CDC16: variants seen among roughly 807,000 people sequenced by gnomAD.
CDC16 encodes the protein cell division cycle protein 16 homolog.
Under a neutral mutation model 87.0 loss-of-function variants are expected in CDC16, and 34 were observed. That is an observed-to-expected ratio of 0.39 (90% CI 0.30 to 0.52). The LOEUF is 0.52. Ranked by LOEUF, CDC16 falls within the 20% of genes least tolerant of loss-of-function variation. The pLI is 0.74. For synonymous variants in CDC16, 263 were observed against 260.6 expected (o/e 1.01, Z -0.09); for missense variants, 653 against 751.9 (o/e 0.87, Z 1.54).
intron 8 of CDC16, 55 bp from the exon 9 acceptor site, chr13:114,244,835 G>GT: frequency 9.3e-7 from 1 of 1,080,490 alleles, no homozygotes. Flanking sequence ...GCCGATCGTC[G>GT]TGAGTGCTGT....
In CDC16 at chr13:114,239,484, G is replaced by A. The variant is rs1325644106; in HGVS notation, c.375G>A (p.Gln125=). The change falls in exon 5 of 18, where the codon CAG becomes CAA. Residue 125 remains glutamine (Q), a synonymous_variant. Transcript: ENST00000356221. The part of the protein sequence containing the change: ...KDPSSDWEMS[Q]SSIKSSICLL... ...CTTCCAGCGACTGGGAAATGTCACA[G>A]TCTTCAGTAAGTAGTACTGTGAGCA... is the stretch of plus-strand genomic sequence containing the variant. 6.2e-7 allele frequency: 1 copy of A among 1,610,434 alleles called. No homozygotes were observed. The highest frequency in any genetic ancestry group is 1.1e-5 in the South Asian group (1 of 90,790).
At position 114,242,095 on chromosome 13, in the gene CDC16, T is replaced by C. The variant is rs751165402; in HGVS notation, c.382-26T>C. ...GTTAAGTTTAAAAGTACTGACTTAA[T>C]ATGTGACTCATCATTTTTCCAACAG... On this transcript the variant is annotated intron_variant, in intron 5 of 17. Transcript: ENST00000356221. 6 of 1,586,604 alleles carry C rather than the reference T, an allele frequency of 3.8e-6. No homozygotes were observed. In the East Asian group the frequency reaches 1.1e-4, roughly 30 times the overall value.
intron 11 of CDC16, among the ~76,000 whole-genome samples, chr13:114,247,500 T>C (rs143682689): frequency 1.3e-3 from 202 of 152,096 alleles, no homozygotes; most frequent in African/African-American, 4.7e-3. Flanking sequence ...GTTTGTTCTT[T>C]ATAAGATGCC....
At chr13:114,243,212 T>C in intron 6 of CDC16, 45 bp from the exon 7 acceptor site, 1 of 886,994 alleles carries the variant, frequency 1.1e-6, no homozygotes, top group Non-Finnish European at 1.9e-6. Context: ...TTTTCCCCTC[T>C]ATAAATATTA....
rs191120317 is a variant in CDC16 at position 114,272,455 on chromosome 13, G to A, written c.*12G>A. The A allele has an allele frequency of 6.2e-7, 1 of 1,611,128 alleles. No individual in the cohort carries two copies. Among genetic ancestry groups the A allele is most frequent in the Admixed American group, 1.7e-5 (1 of 59,828 alleles). On this transcript the variant is annotated 3_prime_UTR_variant, in exon 18 of 18. Transcript: ENST00000356221. ...ACCACAGCACGTGACTCCAGTCAGT[G>A]GTCCTGGTCCCACTGTCCCAGTGTA...
intron 8 of CDC16, 23 bp from the exon 9 acceptor site, chr13:114,244,867 T>C: frequency 6.4e-7 from 1 of 1,555,298 alleles, no homozygotes; most frequent in Non-Finnish European, 8.9e-7. Context: ...TTGGGGGTAG[T>C]AATGTGTCGC....
intron 4 of CDC16, 110 bp from the exon 5 acceptor site, chr13:114,239,240 A>G (rs1194361604): frequency 6.8e-7 from 1 of 1,476,958 alleles, no homozygotes; most frequent in Non-Finnish European, 9.1e-7. Flanking sequence ...TACTTTAGAC[A>G]TTTCACATTT....
chr13:114,245,211 A>C (rs2081795164), intron 9 of CDC16, among the ~76,000 whole-genome samples: 4 of 151,048 alleles, frequency 2.6e-5, no homozygotes, highest in African/African-American at 7.3e-5. Context: ...CTCAAATATC[A>C]TTTATGTTTC....
At position 114,272,250 on chromosome 13, in the gene CDC16, A is replaced by G. The variant is rs1301382328; in HGVS notation, c.1670A>G (p.Asn557Ser). 1 of 1,612,346 alleles carries G rather than the reference A, an allele frequency of 6.2e-7. No individual in the cohort carries two copies. The highest frequency in any genetic ancestry group is 1.7e-5 in the Admixed American group (1 of 59,946). ...FDVHTMKTLKNIISPPWDFRE... is the reference protein window; with the variant it reads ...FDVHTMKTLKSIISPPWDFRE... The stretch of plus-strand genomic sequence containing the variant: ...GTGCATACAATGAAGACACTAAAAA[A>G]CATTATTTCACCTCCGTGGGATTTC... The change falls in exon 18 of 18, where the codon AAC becomes AGC. Residue 557 changes from asparagine (N) to serine (S), a missense_variant. Coordinates refer to ENST00000356221, the MANE Select transcript of CDC16 (RefSeq NM_001078645.3).
In CDC16 at chr13:114,243,957, T is replaced by C; in HGVS notation, c.735T>C (p.Cys245=). Residue 245 remains cysteine, a synonymous_variant, in exon 8 of 18, where the codon TGT becomes TGC. Coordinates refer to ENST00000356221, the MANE Select transcript of CDC16 (RefSeq NM_001078645.3). ...TAGCTGAGAGACATTATTATAACTG[T>C]GATTTTAAAATGTGCTACAAGCTTA... is the stretch of plus-strand genomic sequence containing the variant. ...VSLAERHYYN[C]DFKMCYKLTS... The C allele has an allele frequency of 6.2e-7, 1 of 1,608,588 alleles. No homozygotes were observed. The highest frequency in any genetic ancestry group is 8.5e-7 in the Non-Finnish European group (1 of 1,175,324).
intron 5 of CDC16, among the ~76,000 whole-genome samples, chr13:114,240,023 T>A (rs1045385091): frequency 1.5e-4 from 22 of 150,142 alleles, no homozygotes; most frequent in African/African-American, 4.5e-4. Flanking sequence ...AAAAAAAAAA[T>A]AAAAACTTAT....
intron 3 of CDC16, 74 bp from the exon 4 acceptor site, chr13:114,238,916 G>A: frequency 6.6e-7 from 1 of 1,526,518 alleles, no homozygotes; most frequent in Non-Finnish European, 8.9e-7. Flanking sequence ...TCTATTTTAT[G>A]CTTATGGCTT....
chr13:114,239,049 A>G (rs753089976), intron 4 of CDC16, 21 bp downstream of exon 4: 62 of 1,607,468 alleles, frequency 3.9e-5, no homozygotes, highest in Non-Finnish European at 4.1e-5. Flanking sequence ...TCATAATTTC[A>G]TTTTTATTTG....
chr13:114,268,679 T>C (rs1474460846), intron 17 of CDC16, among the ~76,000 whole-genome samples: 4 of 152,050 alleles, frequency 2.6e-5, no homozygotes. Flanking sequence ...AAAACCATAA[T>C]GATGGTGGTG....
At chr13:114,271,548 C>G (rs1340125680) in intron 17 of CDC16, among the ~76,000 whole-genome samples, 1 of 152,012 alleles carries the variant, frequency 6.6e-6, no homozygotes, top group Non-Finnish European at 1.5e-5. Context: ...TATCTCGGCT[C>G]ACTGCAAGCT....
At chr13:114,247,857 CAA>C (rs918676885) in intron 11 of CDC16, among the ~76,000 whole-genome samples, 3 of 151,932 alleles carry the variant, frequency 2.0e-5, no homozygotes, top group African/African-American at 4.8e-5. Flanking sequence ...GTCTGGGTGA[CAA>C]GAGCAAAACT....
chr13:114,268,184 G>C (rs1390692515), intron 17 of CDC16, among the ~76,000 whole-genome samples: 2 of 152,154 alleles, frequency 1.3e-5, no homozygotes, highest in Non-Finnish European at 2.9e-5. Flanking sequence ...CATGGAGATA[G>C]CTCCAGCTCA....
At chr13:114,245,320 A>G (rs1380489664) in intron 9 of CDC16, among the ~76,000 whole-genome samples, 1 of 137,992 alleles carries the variant, frequency 7.2e-6, no homozygotes, top group East Asian at 2.5e-4. Context: ...GTAAGAGTTG[A>G]TAACTACTTA....
chr13:114,270,107 C>T (rs1466899362), intron 17 of CDC16, among the ~76,000 whole-genome samples: 1 of 152,150 alleles, frequency 6.6e-6, no homozygotes, highest in East Asian at 1.9e-4. Context: ...TAAAGAAATA[C>T]CTGAGCCTGG....
Sources: gnomAD v4.1 joint callset for allele counts (sites outside exome capture counted in the v4.1 genomes callset) on GRCh38, gnomAD v4.1.1 for gene constraint, MANE v1.5 for transcripts, NCBI Gene and HGNC (gene_info 2026-07-23, HGNC 2026-07-21) for gene names.